The following SYT9 variants were observed in gnomAD, a reference collection of about 807,000 sequenced individuals.
The protein encoded by SYT9 is synaptotagmin 9, also known as synaptotagmin-9.
In SYT9, 22 loss-of-function variants were observed where a neutral mutation model predicts 48.4. The observed-to-expected ratio is 0.45, with a 90% CI of 0.32 to 0.65. The LOEUF (loss-of-function observed/expected upper bound fraction) is 0.65. Among genes scored for constraint, SYT9 ranks in the 30% least tolerant of loss-of-function variants. SYT9 has a pLI of 0.03. For synonymous variants in SYT9, 265 were observed against 245.0 expected (o/e 1.08, Z -0.76); for missense variants, 577 against 622.0 (o/e 0.93, Z 0.77).
chr11:7,328,076 AAATAATAAT>A (rs200965699), intron 3 of SYT9, among the ~76,000 whole-genome samples: 7 of 72,406 alleles, frequency 9.7e-5, no homozygotes, highest in South Asian at 6.6e-4. Flanking sequence ...GTATAATTAA[AAATAATAAT>A]AATAATAATA....
upstream of SYT9, among the ~76,000 whole-genome samples, chr11:7,251,779 G>C (rs1405661249): frequency 6.6e-6 from 1 of 152,148 alleles, no homozygotes; most frequent in African/African-American, 2.4e-5. Flanking sequence ...CGCTCGGCCA[G>C]GAGCCGGGGA....
intron 3 of SYT9, among the ~76,000 whole-genome samples, chr11:7,383,844 T>C (rs1850609522): frequency 1.3e-5 from 2 of 152,204 alleles, no homozygotes; most frequent in Non-Finnish European, 2.9e-5. Context: ...GCACTATATG[T>C]CTAGGCTGCA....
intron 1 of SYT9, among the ~76,000 whole-genome samples, chr11:7,295,613 C>A (rs1444481512): frequency 6.6e-6 from 1 of 152,178 alleles, no homozygotes. Flanking sequence ...CTTTTTCAAG[C>A]ATGCACCTCA....
rs572002583 is a variant in SYT9 at position 7,422,792 on chromosome 11, C to T, written c.1467+2157C>T. Among the ~76,000 whole-genome samples, 3 of 152,162 alleles carry T rather than the reference C, an allele frequency of 2.0e-5. No individual in the cohort carries two copies. The South Asian group carries it at 6.2e-4, about 32-fold the overall frequency. ...GTAGTCCTGGGTGGAGTGTTGCACA[C>T]GGGTCCCTGAGTGGCAGTATATGCA... On this transcript the variant is annotated intron_variant, in intron 6 of 6. Transcript: ENST00000318881.
chr11:7,330,891 T>G (rs929079362), intron 3 of SYT9, among the ~76,000 whole-genome samples: 8 of 152,072 alleles, frequency 5.3e-5, no homozygotes, highest in Admixed American at 3.9e-4. Flanking sequence ...GAGACAGGGT[T>G]TCACCATGTT....
At chr11:7,358,283 T>G (rs1041538111) in intron 3 of SYT9, among the ~76,000 whole-genome samples, 5 of 152,080 alleles carry the variant, frequency 3.3e-5, no homozygotes, top group African/African-American at 9.7e-5. Context: ...AAAGTTATGG[T>G]TTTTTTGGCT....
chr11:7,391,608 A>G (rs1846611450), intron 3 of SYT9, among the ~76,000 whole-genome samples: 1 of 151,758 alleles, frequency 6.6e-6, no homozygotes, highest in African/African-American at 2.4e-5. Flanking sequence ...TTTGAGAAGT[A>G]TCTGTTCATA....
At chr11:7,367,528 T>C (rs1461451060) in intron 3 of SYT9, among the ~76,000 whole-genome samples, 2 of 152,202 alleles carry the variant, frequency 1.3e-5, no homozygotes, top group Non-Finnish European at 2.9e-5. Context: ...CATGGTGATT[T>C]TGACATGATT....
chr11:7,385,382 A>G (rs940481294), intron 3 of SYT9, among the ~76,000 whole-genome samples: 1 of 151,332 alleles, frequency 6.6e-6, no homozygotes, highest in Non-Finnish European at 1.5e-5. Context: ...GTGTGTGTCC[A>G]TGCAGCTAAT....
Position 7,252,562 on chromosome 11 carries a change from T to C in SYT9, c.145+231T>C, listed in dbSNP as rs971411381. On this transcript the variant is annotated intron_variant, in intron 1 of 6. Transcript: ENST00000318881. This position sits in a 1 kb window ranked among gnomAD's most constrained non-coding sequence, Gnocchi z 6.3. ...CGACTCCGGGTCGGCTAGGGCAGGG[T>C]TGGAGGGACCACGCCCGCCACCTGC... 6.6e-6 allele frequency among the ~76,000 whole-genome samples: 1 copy of C among 151,882 alleles called. No individual in the cohort carries two copies. The highest frequency in any genetic ancestry group is 1.5e-5 in the Non-Finnish European group (1 of 67,958).
intron 3 of SYT9, among the ~76,000 whole-genome samples, chr11:7,318,857 G>T (rs1284682222): frequency 6.6e-6 from 1 of 152,098 alleles, no homozygotes; most frequent in African/African-American, 2.4e-5. Context: ...TTACACTGCT[G>T]AGTTCAGTTT....
chr11:7,416,146 CAT>C lies in SYT9; in HGVS notation c.1151_1152del (p.Ile384AsnfsTer15). 1 of 1,614,168 alleles carries C rather than the reference CAT, an allele frequency of 6.2e-7. No individual in the cohort carries two copies. The highest frequency in any genetic ancestry group is 8.5e-7 in the Non-Finnish European group (1 of 1,180,012). On this transcript the variant is annotated frameshift_variant, in exon 4 of 7. Transcript: ENST00000318881. LOFTEE classifies it high-confidence loss of function. The stretch of plus-strand genomic sequence containing the variant: ...AAGCAAGGAATTTAAAGGCAATGGA[CAT>C]AACAGGAGCATCAGGTGGGGCATTT... Reference protein sequence around the residue: ...IKARNLKAMDITGASDPYVKV... With the variant: ...IKARNLKAMDXTGASDPYVKV...
intron 3 of SYT9, among the ~76,000 whole-genome samples, chr11:7,370,608 A>G (rs1850344786): frequency 6.6e-6 from 1 of 152,190 alleles, no homozygotes; most frequent in South Asian, 2.1e-4. Context: ...GTCTCAACAA[A>G]CCAATGTTTT....
chr11:7,385,067 T>G (rs1850631828), intron 3 of SYT9, among the ~76,000 whole-genome samples: 1 of 152,184 alleles, frequency 6.6e-6, no homozygotes, highest in Non-Finnish European at 1.5e-5. Context: ...CCTTTCCTGC[T>G]TATTTCTTCC....
intron 1 of SYT9, among the ~76,000 whole-genome samples, chr11:7,293,271 C>A (rs377706463): frequency 3.9e-5 from 6 of 152,132 alleles, no homozygotes; most frequent in African/African-American, 1.4e-4. Flanking sequence ...CTGTGTCAGT[C>A]ACAAAAAAAA....
At chr11:7,350,961 G>C (rs1213062185) in intron 3 of SYT9, among the ~76,000 whole-genome samples, 1 of 152,176 alleles carries the variant, frequency 6.6e-6, no homozygotes, top group East Asian at 1.9e-4. Flanking sequence ...CTTATGGAGT[G>C]AGATTAGGCG....
chr11:7,386,831 G>A (rs1266495827), intron 3 of SYT9, among the ~76,000 whole-genome samples: 1 of 152,080 alleles, frequency 6.6e-6, no homozygotes, highest in Admixed American at 6.6e-5. Flanking sequence ...TCATGCTGCT[G>A]TAAAGACACA....
intron 1 of SYT9, among the ~76,000 whole-genome samples, chr11:7,273,234 G>T (rs984973593): frequency 2.6e-5 from 4 of 151,998 alleles, no homozygotes; most frequent in Non-Finnish European, 5.9e-5. Flanking sequence ...AGTACCTGTA[G>T]TTGTAAATAT....
At chr11:7,267,569 A>T (rs1848208277) in intron 1 of SYT9, among the ~76,000 whole-genome samples, 1 of 151,986 alleles carries the variant, frequency 6.6e-6, no homozygotes, top group African/African-American at 2.4e-5. Context: ...AATACAATGG[A>T]GTATAACCAA....
Sources: gnomAD v4.1 joint callset for allele counts (sites outside exome capture counted in the v4.1 genomes callset) on GRCh38, gnomAD v4.1.1 for gene constraint, Gnocchi (gnomAD v3.1) non-coding constraint, MANE v1.5 for transcripts, NCBI Gene and HGNC (gene_info 2026-07-23, HGNC 2026-07-21) for gene names.